Variants in EEF1AKMT1 observed in about 807,000 individuals in gnomAD.
EEF1AKMT1 encodes EEF1A lysine methyltransferase 1, also known as N-6 adenine-specific DNA methyltransferase 2 (putative).
EEF1AKMT1 carries 18 observed loss-of-function variants against 21.0 expected under a neutral mutation model. That is an observed-to-expected ratio of 0.86 (90% CI 0.59 to 1.27). The LOEUF is 1.27. EEF1AKMT1 is among the 50% of genes most tolerant of loss of function. The probability of loss-of-function intolerance (pLI) is 0.00; values close to 1 mark genes in which losing one functional copy is unlikely to be tolerated. For synonymous variants in EEF1AKMT1, 109 were observed against 94.8 expected (o/e 1.15, Z -0.87); for missense variants, 246 against 258.6 (o/e 0.95, Z 0.33).
chr13:20,772,402 C>T (rs1221548761), intron 1 of EEF1AKMT1, among the ~76,000 whole-genome samples: 1 of 152,146 alleles, frequency 6.6e-6, no homozygotes. Context: ...TGCCTAGAGA[C>T]ATTTTTGGTT....
intron 1 of EEF1AKMT1, among the ~76,000 whole-genome samples, chr13:20,759,961 C>T (rs569407540): frequency 2.2e-4 from 34 of 151,940 alleles, no homozygotes; most frequent in Admixed American, 5.9e-4. Flanking sequence ...AAAAATTAGC[C>T]GGGTGTGGTG....
intron 4 of EEF1AKMT1, among the ~76,000 whole-genome samples, chr13:20,731,445 C>A (rs1258479577): frequency 2.6e-5 from 4 of 152,212 alleles, no homozygotes; most frequent in Non-Finnish European, 4.4e-5. Context: ...AGTAAGAAAA[C>A]TCTTCTACAT....
chr13:20,731,725 A>C (rs933063226), intron 4 of EEF1AKMT1, 116 bp downstream of exon 4: 1 of 1,056,732 alleles, frequency 9.5e-7, no homozygotes, highest in African/African-American at 1.6e-5. Flanking sequence ...ACAAAGAGTT[A>C]AATAACTTGT....
chr13:20,737,592 G>A (rs139011015), intron 3 of EEF1AKMT1, 131 bp downstream of exon 3: 1 of 748,404 alleles, frequency 1.3e-6, no homozygotes, highest in African/African-American at 1.8e-5. Context: ...GTCTTAATCT[G>A]TCATATGCTG....
At chr13:20,729,330 T>C in intron 4 of EEF1AKMT1, 114 bp from the exon 5 acceptor site, 1 of 1,217,548 alleles carries the variant, frequency 8.2e-7, no homozygotes, top group Non-Finnish European at 1.2e-6. Flanking sequence ...AGTTGACAAT[T>C]CACAAGTGGG....
chr13:20,773,082 G>A (rs1430845555), intron 1 of EEF1AKMT1, among the ~76,000 whole-genome samples: 6 of 152,110 alleles, frequency 3.9e-5, no homozygotes, highest in African/African-American at 1.4e-4. Flanking sequence ...AGGGCCAAAG[G>A]TTTTCATTCT....
chr13:20,772,267 C>T (rs1388821882), intron 1 of EEF1AKMT1, among the ~76,000 whole-genome samples: 1 of 151,912 alleles, frequency 6.6e-6, no homozygotes, highest in Non-Finnish European at 1.5e-5. Flanking sequence ...AAAACTTGTA[C>T]CTATGGATTA....
At chr13:20,738,757 T>C (rs1774206245) in intron 2 of EEF1AKMT1, among the ~76,000 whole-genome samples, 1 of 152,236 alleles carries the variant, frequency 6.6e-6, no homozygotes, top group Admixed American at 6.5e-5. Flanking sequence ...TAATTCTGTT[T>C]ATATGAAATG....
chr13:20,765,214 C>T (rs2059022234), intron 1 of EEF1AKMT1, among the ~76,000 whole-genome samples: 1 of 151,922 alleles, frequency 6.6e-6, no homozygotes, highest in African/African-American at 2.4e-5. Flanking sequence ...TGAGCGAGAT[C>T]GTGCCACTGC....
intron 3 of EEF1AKMT1, among the ~76,000 whole-genome samples, chr13:20,732,422 C>T (rs1246165757): frequency 6.6e-6 from 1 of 152,058 alleles, no homozygotes; most frequent in East Asian, 1.9e-4. Context: ...ACCTCTGCCT[C>T]CTGGGTTCAA....
At chr13:20,757,402 AG>A in intron 2 of EEF1AKMT1, 52 bp downstream of exon 2, 1 of 1,597,676 alleles carries the variant, frequency 6.3e-7, no homozygotes, top group Non-Finnish European at 8.6e-7. Context: ...ACTAATGCAC[AG>A]AGTAGGTTCC....
At chr13:20,745,385 AG>A (rs1485590616) in intron 2 of EEF1AKMT1, among the ~76,000 whole-genome samples, 2 of 152,174 alleles carry the variant, frequency 1.3e-5, no homozygotes, top group African/African-American at 4.8e-5. Flanking sequence ...TTCTCCTTGA[AG>A]AGGGTCCTTC....
intron 1 of EEF1AKMT1, among the ~76,000 whole-genome samples, chr13:20,762,773 G>A (rs1342962192): frequency 2.0e-5 from 3 of 151,800 alleles, no homozygotes; most frequent in African/African-American, 4.8e-5. Context: ...CTCAGCCTCC[G>A]AAAGTGCTGG....
At chr13:20,747,464 T>TTTTTTTTTTTTTTC (rs1290301650) in intron 2 of EEF1AKMT1, 1 of 107,538 alleles carries the variant, frequency 9.3e-6, no homozygotes, top group Non-Finnish European at 1.8e-5. Flanking sequence ...GGCACATTCT[T>TTTTTTTTTTTTTTC]TTTTTTTTTT....
intron 2 of EEF1AKMT1, among the ~76,000 whole-genome samples, chr13:20,754,911 A>C (rs1459831924): frequency 1.3e-5 from 2 of 152,148 alleles, no homozygotes; most frequent in Non-Finnish European, 2.9e-5. Context: ...AAATTAAAAA[A>C]AAAAATTGGC....
At chr13:20,738,837 GA>G (rs1194366477) in intron 2 of EEF1AKMT1, among the ~76,000 whole-genome samples, 1 of 152,194 alleles carries the variant, frequency 6.6e-6, no homozygotes, top group Non-Finnish European at 1.5e-5. Context: ...GAGGGATTAG[GA>G]GGTGACAGCT....
intron 2 of EEF1AKMT1, among the ~76,000 whole-genome samples, chr13:20,745,024 G>A (rs1346071590): frequency 6.6e-6 from 1 of 152,150 alleles, no homozygotes; most frequent in Non-Finnish European, 1.5e-5. Context: ...TGAGATCTCT[G>A]TTCTGTTCCA....
intron 1 of EEF1AKMT1, 81 bp from the exon 2 acceptor site, chr13:20,757,698 A>T: frequency 4.4e-6 from 5 of 1,140,516 alleles, no homozygotes; most frequent in Non-Finnish European, 4.9e-6. Context: ...ATTTTTATTT[A>T]ACAGCAAGGA....
Position 20,729,071 on chromosome 13 carries a change from C to T in EEF1AKMT1, c.*9G>A, listed in dbSNP as rs779194812. Reference sequence around the variant, plus strand: ...AGGGTTCCTTCCTGTGTTATGTCACCGTCTGTAATCAGATCCCACAGTCCA... The same window carrying T: ...AGGGTTCCTTCCTGTGTTATGTCACTGTCTGTAATCAGATCCCACAGTCCA... On this transcript the variant is annotated 3_prime_UTR_variant, in exon 5 of 5. Coordinates refer to ENST00000382758, the MANE Select transcript of EEF1AKMT1 (RefSeq NM_001318939.2). 16 of 1,613,864 alleles carry T rather than the reference C, an allele frequency of 9.9e-6. No individual in the cohort carries two copies. The highest frequency in any genetic ancestry group is 6.7e-5 in the East Asian group (3 of 44,886).
Sources: allele counts gnomAD v4.1 joint callset (sites outside exome capture counted in the v4.1 genomes callset), GRCh38; gene constraint gnomAD v4.1.1; transcripts MANE v1.5; gene names NCBI Gene and HGNC (gene_info 2026-07-23, HGNC 2026-07-21).